Variants in LGR6 observed in about 807,000 individuals in gnomAD.
LGR6 encodes leucine-rich repeat-containing G protein-coupled receptor 6.
A neutral mutation model predicts 69.4 loss-of-function variants in LGR6; 45 were observed. That is an observed-to-expected ratio of 0.65 (90% CI 0.51 to 0.83). The LOEUF (loss-of-function observed/expected upper bound fraction) is 0.83, where lower values mean the gene tolerates loss of function less well. LGR6 is among the 40% of genes least tolerant of loss of function. LGR6 has a pLI of 0.00. For missense variants in LGR6, 1,108 were observed against 1,246.7 expected (o/e 0.89, Z 1.68); for synonymous variants, 538 against 555.0 (o/e 0.97, Z 0.43).
chr1:202,317,711 G>A lies in LGR6; in HGVS notation c.1649-241G>A, dbSNP rs113875849. Among the ~76,000 whole-genome samples the A allele has an allele frequency of 2.8e-3, 420 of 152,282 alleles. 3 individuals are homozygous for A. The highest frequency in any genetic ancestry group is 9.2e-3 in the African/African-American group (382 of 41,556). On this transcript the variant is annotated intron_variant, in intron 17 of 17. Coordinates refer to ENST00000367278, the MANE Select transcript of LGR6 (RefSeq NM_001017403.2). ...GGGTTCACCCCACTTGCAGCTCTTCGGAAGAAGAGTCGTGTATGTCCCACA... is the reference window on the plus strand; with the variant it reads ...GGGTTCACCCCACTTGCAGCTCTTCAGAAGAAGAGTCGTGTATGTCCCACA...
Position 202,268,215 on chromosome 1 carries a change from C to T in LGR6, c.429-8091C>T, listed in dbSNP as rs1340089282. On this transcript the variant is annotated intron_variant, in intron 4 of 17. Transcript: ENST00000367278. The surrounding 1 kb of genome is among the most constrained non-coding windows in gnomAD (Gnocchi z 4.4). ...CCACAACCCCATTGGAGCCCCGTGG[C>T]CCTCCGTGCAGAAGCTGGCACCTGG... Among the ~76,000 whole-genome samples, 4 of 152,212 alleles carry T rather than the reference C, an allele frequency of 2.6e-5. No individual in the cohort carries two copies. The highest frequency in any genetic ancestry group is 9.6e-5 in the African/African-American group (4 of 41,462).
chr1:202,282,780 C>T (rs191355619), intron 6 of LGR6, among the ~76,000 whole-genome samples: 82 of 152,310 alleles, frequency 5.4e-4, no homozygotes, highest in Non-Finnish European at 1.0e-3. Context: ...ACTGGATTGC[C>T]GCGCAGGGCA....
chr1:202,275,718 G>A lies in LGR6; in HGVS notation c.429-588G>A, dbSNP rs1343442805. ...GTGACAGGGAAGGGCTTACCCTTTTGGGGAGGCATTTTTCTTTGGTTCGGT... is the reference window on the plus strand; with the variant it reads ...GTGACAGGGAAGGGCTTACCCTTTTAGGGAGGCATTTTTCTTTGGTTCGGT... On this transcript the variant is annotated intron_variant, in intron 4 of 17. Transcript: ENST00000367278. Among the ~76,000 whole-genome samples the A allele has an allele frequency of 3.3e-5, 5 of 152,278 alleles. No individual in the cohort carries two copies. In the East Asian group the frequency reaches 9.6e-4, roughly 29 times the overall value.
intron 4 of LGR6, among the ~76,000 whole-genome samples, chr1:202,237,507 T>C (rs1056420617): frequency 1.3e-5 from 2 of 152,252 alleles, no homozygotes; most frequent in Admixed American, 6.5e-5. Context: ...TTAAGGTTGT[T>C]AATTAAGTTT....
At chr1:202,219,804 A>G (rs12132085) in intron 1 of LGR6, among the ~76,000 whole-genome samples, 48,204 of 152,126 alleles carry the variant, frequency 0.32, 8,656 homozygotes, top group Non-Finnish European at 0.41. Context: ...ACTAATAATT[A>G]TAATTCAGTT....
At chr1:202,291,154 GC>G (rs1224335456) in intron 6 of LGR6, among the ~76,000 whole-genome samples, 4 of 152,334 alleles carry the variant, frequency 2.6e-5, no homozygotes, top group African/African-American at 9.6e-5. Flanking sequence ...GGGTGTCTTA[GC>G]TATGGACAGC....
chr1:202,202,210 C>T (rs1290452159), intron 1 of LGR6, among the ~76,000 whole-genome samples: 7 of 152,290 alleles, frequency 4.6e-5, no homozygotes, highest in South Asian at 2.1e-4. Flanking sequence ...TTCATCTCCA[C>T]GACCTGTTCT....
At chr1:202,284,801 G>A (rs1666276700) in intron 6 of LGR6, among the ~76,000 whole-genome samples, 1 of 152,236 alleles carries the variant, frequency 6.6e-6, no homozygotes, top group East Asian at 1.9e-4. Context: ...CTTGATGGCT[G>A]AATCTCAGCT....
At chr1:202,279,819 G>C (rs1356077524) in intron 5 of LGR6, among the ~76,000 whole-genome samples, 1 of 152,214 alleles carries the variant, frequency 6.6e-6, no homozygotes, top group Non-Finnish European at 1.5e-5. Flanking sequence ...AGCAGTGTCT[G>C]CACTGTCCCT....
chr1:202,250,656 C>T (rs1663155272), intron 4 of LGR6, among the ~76,000 whole-genome samples: 3 of 152,022 alleles, frequency 2.0e-5, no homozygotes, highest in Admixed American at 6.6e-5. Context: ...CTGCCCACCT[C>T]GCCTCCTACA....
chr1:202,214,329 G>A, intron 1 of LGR6: 1 of 1,292,416 alleles, frequency 7.7e-7, no homozygotes, highest in Non-Finnish European at 1.0e-6. Context: ...CGCGACGGGT[G>A]GGGCGCTACC....
At chr1:202,303,157 A>G (rs553481490) in intron 9 of LGR6, 122 bp from the exon 10 acceptor site, 13 of 767,178 alleles carry the variant, frequency 1.7e-5, no homozygotes, top group East Asian at 9.9e-5. Context: ...GGAAGATTGC[A>G]GGGAAGCATG....
intron 6 of LGR6, among the ~76,000 whole-genome samples, chr1:202,281,238 G>A (rs1665981642): frequency 6.6e-6 from 1 of 152,158 alleles, no homozygotes; most frequent in Non-Finnish European, 1.5e-5. Context: ...CTGACTTGAT[G>A]GCAGTTTTGA....
chr1:202,238,907 G>C (rs1430311437), intron 4 of LGR6, among the ~76,000 whole-genome samples: 2 of 152,170 alleles, frequency 1.3e-5, no homozygotes, highest in African/African-American at 4.8e-5. Context: ...GGAATCCCGA[G>C]AGCTCCCCAA....
intron 1 of LGR6, among the ~76,000 whole-genome samples, chr1:202,198,052 C>T (rs1658706078): frequency 6.6e-6 from 1 of 152,218 alleles, no homozygotes; most frequent in South Asian, 2.1e-4. Context: ...TGATTGCTTT[C>T]TTACGAATTC....
chr1:202,293,516 A>G (rs1666942115), intron 6 of LGR6, among the ~76,000 whole-genome samples: 1 of 151,724 alleles, frequency 6.6e-6, no homozygotes, highest in Non-Finnish European at 1.5e-5. Context: ...TTTTTTTTTA[A>G]ACCCATCTCT....
chr1:202,211,877 TAAC>T (rs1028849960), intron 1 of LGR6, among the ~76,000 whole-genome samples: 3 of 152,196 alleles, frequency 2.0e-5, no homozygotes, highest in African/African-American at 7.2e-5. Flanking sequence ...TCGTGATTTC[TAAC>T]AACATAGGTA....
chr1:202,221,348 C>T (rs1558013596), intron 1 of LGR6, among the ~76,000 whole-genome samples: 1 of 152,174 alleles, frequency 6.6e-6, no homozygotes, highest in Non-Finnish European at 1.5e-5. Flanking sequence ...CATGGTGACA[C>T]CACCTTACCC....
chr1:202,304,490 T>C (rs1476749804), intron 10 of LGR6, 69 bp from the exon 11 acceptor site: 36 of 1,140,854 alleles, frequency 3.2e-5, no homozygotes, highest in Non-Finnish European at 4.0e-5. Context: ...GGTCCAGAGC[T>C]GGAGCGGGGT....
Sources: allele counts gnomAD v4.1 joint callset (sites outside exome capture counted in the v4.1 genomes callset), GRCh38; gene constraint gnomAD v4.1.1; non-coding constraint Gnocchi (gnomAD v3.1); transcripts MANE v1.5; gene names NCBI Gene and HGNC (gene_info 2026-07-23, HGNC 2026-07-21).